The following FAM168B variants were observed in gnomAD, a reference collection of about 807,000 sequenced individuals.
FAM168B encodes the protein myelin-associated neurite-outgrowth inhibitor.
In FAM168B, 19 loss-of-function variants were observed where a neutral mutation model predicts 21.8. The observed-to-expected ratio is 0.87, with a 90% CI of 0.61 to 1.28. The LOEUF (loss-of-function observed/expected upper bound fraction) is 1.28. Among genes scored for constraint, FAM168B ranks in the 50% most tolerant of loss-of-function variants. The pLI is 0.00. For synonymous variants in FAM168B, 126 were observed against 104.8 expected (o/e 1.20, Z -1.24); for missense variants, 233 against 263.1 (o/e 0.89, Z 0.79).
chr2:131,051,171 C>T lies in FAM168B; in HGVS notation c.*1294G>A. The T allele has an allele frequency of 8.1e-6, 8 of 985,308 alleles. No homozygotes were observed. The highest frequency in any genetic ancestry group is 8.4e-6 in the Non-Finnish European group (7 of 829,938). The allele number at this position is 985,308 out of a possible 1,614,324, so 61.0% of individuals were successfully genotyped here. A position where few individuals can be genotyped will look rare whatever the true frequency, so the allele number is the denominator to read the frequency against. On this transcript the variant is annotated 3_prime_UTR_variant, in exon 7 of 7. Transcript: ENST00000389915. ...TGCAAAAGAGATGGCAGGAGAGGCT[C>T]GCAGACAACAGACACTGGCCTCCCC...
Position 131,052,005 on chromosome 2 carries a change from A to G in FAM168B, c.*460T>C. On this transcript the variant is annotated 3_prime_UTR_variant, in exon 7 of 7. Transcript: ENST00000389915. ...AGATATTTCAGATGCTCTATGAAGAAATTCACTTTAACACTTATAACTGTA... is the reference window on the plus strand; with the variant it reads ...AGATATTTCAGATGCTCTATGAAGAGATTCACTTTAACACTTATAACTGTA... 1.0e-6 allele frequency: 1 copy of G among 985,682 alleles called. No homozygotes were observed. The highest frequency in any genetic ancestry group is 1.2e-6 in the Non-Finnish European group (1 of 829,928). 61.1% of individuals were successfully genotyped at this position (985,682 alleles called of 1,614,324 possible). A position where few individuals can be genotyped will look rare whatever the true frequency, so the allele number is the denominator to read the frequency against.
intron 3 of FAM168B, among the ~76,000 whole-genome samples, chr2:131,069,329 T>C (rs911522775): frequency 6.6e-6 from 1 of 152,230 alleles, no homozygotes; most frequent in Admixed American, 6.5e-5. Context: ...ACATGCCACA[T>C]TGATACGTAT....
At position 131,048,725 on chromosome 2, in the gene FAM168B, T is replaced by G; in HGVS notation, c.*3740A>C. 1 of 987,596 alleles carries G rather than the reference T, an allele frequency of 1.0e-6. No homozygotes were observed. Among genetic ancestry groups the G allele is most frequent in the Non-Finnish European group, 1.2e-6 (1 of 831,144 alleles). The allele number at this position is 987,596 out of a possible 1,614,324, so 61.2% of individuals were successfully genotyped here. ...GGAACACTCACAAATGCAGAGGTAC[T>G]AGAGGGGAGAAATACGTGCTCTGCC... is the stretch of plus-strand genomic sequence containing the variant. On this transcript the variant is annotated 3_prime_UTR_variant, in exon 7 of 7. Transcript: ENST00000389915.
At chr2:131,078,855 G>A (rs561305932) in intron 2 of FAM168B, among the ~76,000 whole-genome samples, 6 of 151,946 alleles carry the variant, frequency 3.9e-5, no homozygotes, top group South Asian at 4.2e-4. Flanking sequence ...GCATGGTAGC[G>A]CACACCTGTA....
intron 1 of FAM168B, among the ~76,000 whole-genome samples, chr2:131,087,352 A>T (rs1573824364): frequency 6.6e-6 from 1 of 152,132 alleles, no homozygotes; most frequent in Non-Finnish European, 1.5e-5. Context: ...GGCACCTGTA[A>T]TCCCAGCTAC....
At chr2:131,065,130 T>A (rs1160542539) in intron 3 of FAM168B, among the ~76,000 whole-genome samples, 2 of 152,136 alleles carry the variant, frequency 1.3e-5, no homozygotes, top group East Asian at 3.9e-4. Flanking sequence ...CAGTGCCACT[T>A]TACAAAAACA....
intron 1 of FAM168B, among the ~76,000 whole-genome samples, chr2:131,084,769 C>T (rs781095671): frequency 3.3e-5 from 5 of 152,036 alleles, no homozygotes; most frequent in Non-Finnish European, 5.9e-5. Flanking sequence ...ATTTTTTAGA[C>T]GTGGTCTCGC....
intron 3 of FAM168B, among the ~76,000 whole-genome samples, chr2:131,065,091 C>T (rs991087436): frequency 1.3e-5 from 2 of 152,080 alleles, no homozygotes; most frequent in African/African-American, 4.8e-5. Flanking sequence ...GAAGGAAGGT[C>T]GGGGCAGCAA....
chr2:131,051,958 C>T lies in FAM168B; in HGVS notation c.*507G>A. The stretch of plus-strand genomic sequence containing the variant: ...CCTAACTGGCAACCCACATCAACCC[C>T]AAAAGGTTGAAGAATCATCTAAGAT... On this transcript the variant is annotated 3_prime_UTR_variant, in exon 7 of 7. Coordinates refer to ENST00000389915, the MANE Select transcript of FAM168B (RefSeq NM_001009993.4). 1.0e-6 allele frequency: 1 copy of T among 985,540 alleles called. No homozygotes were observed. The highest frequency in any genetic ancestry group is 1.2e-6 in the Non-Finnish European group (1 of 829,938). The allele number at this position is 985,540 out of a possible 1,614,324, so 61.0% of individuals were successfully genotyped here.
chr2:131,055,604 A>G lies in FAM168B; in HGVS notation c.246T>C (p.Thr82=), dbSNP rs749412899. The change falls in exon 4 of 7, where the codon ACT becomes ACC. Residue 82 remains threonine, a synonymous_variant. Coordinates refer to ENST00000389915, the MANE Select transcript of FAM168B (RefSeq NM_001009993.4). ...PYSSSPNPYQ[T]AVYPVRSAYP... Reference sequence around the variant, plus strand: ...AGGCACTTCGCACAGGGTACACGGCAGTCTGGTAGGGGTTCGGGGAGGAGG... The same window carrying G: ...AGGCACTTCGCACAGGGTACACGGCGGTCTGGTAGGGGTTCGGGGAGGAGG... 5.6e-6 allele frequency: 9 copies of G among 1,610,992 alleles called. No homozygotes were observed. The African/African-American group carries it at 9.4e-5, about 17-fold the overall frequency.
At chr2:131,088,959 G>C (rs539723280) in intron 1 of FAM168B, among the ~76,000 whole-genome samples, 1 of 145,076 alleles carries the variant, frequency 6.9e-6, no homozygotes, top group South Asian at 2.2e-4. Context: ...GATCTAGAGC[G>C]TACCACTTTT....
intron 5 of FAM168B, 141 bp downstream of exon 5, chr2:131,055,131 T>C: frequency 1.2e-6 from 1 of 821,040 alleles, no homozygotes; most frequent in Non-Finnish European, 1.7e-6. Flanking sequence ...ACCTGCTGTT[T>C]CTTCCCCAAA....
chr2:131,090,657 G>A (rs1325267979), intron 1 of FAM168B, among the ~76,000 whole-genome samples: 1 of 152,128 alleles, frequency 6.6e-6, no homozygotes, highest in Non-Finnish European at 1.5e-5. Flanking sequence ...CTTGAGCCCA[G>A]AAGTTTGAGA....
chr2:131,082,772 T>C, intron 1 of FAM168B, 115 bp from the exon 2 acceptor site: 1 of 621,610 alleles, frequency 1.6e-6, no homozygotes, highest in Non-Finnish European at 2.8e-6. Context: ...TATAAAACAA[T>C]GCATTTCATG....
intron 1 of FAM168B, among the ~76,000 whole-genome samples, chr2:131,087,169 G>C (rs901573237): frequency 6.6e-6 from 1 of 150,972 alleles, no homozygotes; most frequent in African/African-American, 2.4e-5. Context: ...GGAAAAACTT[G>C]ATTAAAGGGC....
chr2:131,061,108 C>T (rs1417207736), intron 3 of FAM168B, among the ~76,000 whole-genome samples: 1 of 148,844 alleles, frequency 6.7e-6, no homozygotes, highest in Non-Finnish European at 1.5e-5. Flanking sequence ...ACCTTGGCCT[C>T]CCAAAGTGCT....
At chr2:131,075,015 C>T (rs7572916) in intron 2 of FAM168B, among the ~76,000 whole-genome samples, 3,298 of 152,172 alleles carry the variant, frequency 0.022, 126 homozygotes, top group African/African-American at 0.075. Flanking sequence ...GAAGCCATTC[C>T]GGGTTTCCCT....
chr2:131,083,480 GCAGTGAGC>G (rs1227922739), intron 1 of FAM168B, among the ~76,000 whole-genome samples: 66 of 152,314 alleles, frequency 4.3e-4, no homozygotes, highest in South Asian at 4.1e-4. Flanking sequence ...GTGGAGATTA[GCAGTGAGC>G]CAAGCTCATG....
intron 3 of FAM168B, among the ~76,000 whole-genome samples, chr2:131,064,085 G>A (rs1692436284): frequency 6.6e-6 from 1 of 152,096 alleles, no homozygotes; most frequent in Non-Finnish European, 1.5e-5. Flanking sequence ...ATGCAACCCA[G>A]GCGGCGCAGA....
Sources: gnomAD v4.1 joint callset for allele counts (sites outside exome capture counted in the v4.1 genomes callset) on GRCh38, gnomAD v4.1.1 for gene constraint, MANE v1.5 for transcripts, NCBI Gene and HGNC (gene_info 2026-07-23, HGNC 2026-07-21) for gene names.